DIP2C: variants seen among roughly 807,000 people sequenced by gnomAD.
The protein encoded by DIP2C is DIP2 acetate--CoA ligase C (putative), also known as disco-interacting protein 2 homolog C.
A neutral mutation model predicts 192.4 loss-of-function variants in DIP2C; 33 were observed. That is an observed-to-expected ratio of 0.17 (90% confidence interval 0.13 to 0.23). The LOEUF (loss-of-function observed/expected upper bound fraction) is 0.23. DIP2C is among the 10% of genes least tolerant of loss of function. DIP2C has a pLI of 1.00. For synonymous variants in DIP2C, 979 were observed against 864.1 expected (o/e 1.13, Z -2.33); for missense variants, 1,537 against 2,110.1 (o/e 0.73, Z 5.32).
intron 9 of DIP2C, among the ~76,000 whole-genome samples, chr10:407,698 T>C (rs4881255): frequency 0.57 from 87,100 of 152,008 alleles, 24,991 homozygotes; most frequent in East Asian, 0.7. Context: ...CATCTTTTCA[T>C]GTGTTTATCG....
At chr10:594,954 GGA>G (rs1372703361) in intron 1 of DIP2C, among the ~76,000 whole-genome samples, 2 of 152,192 alleles carry the variant, frequency 1.3e-5, no homozygotes, top group Non-Finnish European at 2.9e-5. Context: ...GCCAGAGAAG[GGA>G]GAGGAGACAG....
intron 2 of DIP2C, chr10:484,962 A>G: frequency 6.3e-7 from 1 of 1,595,538 alleles, no homozygotes; most frequent in Non-Finnish European, 8.5e-7. Flanking sequence ...TAACAAGTTG[A>G]AAAAAAACTA....
intron 2 of DIP2C, among the ~76,000 whole-genome samples, chr10:473,784 T>A (rs530541797): frequency 6.6e-6 from 1 of 152,358 alleles, no homozygotes; most frequent in South Asian, 2.1e-4. Context: ...AATAAAAGTT[T>A]TAAGTTAACA....
At chr10:545,330 G>C (rs1588432654) in intron 1 of DIP2C, among the ~76,000 whole-genome samples, 2 of 151,958 alleles carry the variant, frequency 1.3e-5, no homozygotes, top group East Asian at 3.9e-4. Flanking sequence ...CAACGCCCAG[G>C]TAATTTTTGT....
At chr10:382,139 T>C (rs1962425859) in intron 17 of DIP2C, among the ~76,000 whole-genome samples, 1 of 152,250 alleles carries the variant, frequency 6.6e-6, no homozygotes, top group Non-Finnish European at 1.5e-5. Context: ...CAAAGTGCAC[T>C]CTGAATTTAC....
At chr10:545,339 G>A (rs1293171785) in intron 1 of DIP2C, among the ~76,000 whole-genome samples, 1 of 151,906 alleles carries the variant, frequency 6.6e-6, no homozygotes, top group Admixed American at 6.6e-5. Context: ...GGTAATTTTT[G>A]TAGTTTTAGT....
chr10:580,098 T>TATAC (rs1850511435), intron 1 of DIP2C, among the ~76,000 whole-genome samples: 1 of 152,146 alleles, frequency 6.6e-6, no homozygotes, highest in Non-Finnish European at 1.5e-5. Context: ...CATGCACATT[T>TATAC]GTATGTACAT....
At chr10:593,874 G>A (rs1047800429) in intron 1 of DIP2C, among the ~76,000 whole-genome samples, 2 of 152,288 alleles carry the variant, frequency 1.3e-5, no homozygotes, top group East Asian at 3.9e-4. Flanking sequence ...AAGGGGACTC[G>A]AATGTCTTCT....
At chr10:578,489 C>T (rs1850326909) in intron 1 of DIP2C, among the ~76,000 whole-genome samples, 1 of 152,204 alleles carries the variant, frequency 6.6e-6, no homozygotes, top group African/African-American at 2.4e-5. Flanking sequence ...ATGAAACACA[C>T]CTCACAGAGC....
At chr10:471,587 A>G (rs1171638830) in intron 3 of DIP2C, among the ~76,000 whole-genome samples, 1 of 152,228 alleles carries the variant, frequency 6.6e-6, no homozygotes, top group Non-Finnish European at 1.5e-5. Context: ...TGCAAAACAA[A>G]GGGATTCACG....
chr10:400,900 G>A (rs964290259), intron 9 of DIP2C, among the ~76,000 whole-genome samples: 3 of 151,234 alleles, frequency 2.0e-5, no homozygotes, highest in African/African-American at 7.3e-5. Flanking sequence ...TTATGGACAA[G>A]TTTGGTACAT....
intron 26 of DIP2C, among the ~76,000 whole-genome samples, chr10:347,928 C>T (rs1205247801): frequency 9.2e-5 from 13 of 141,680 alleles, no homozygotes; most frequent in African/African-American, 2.6e-4. Context: ...CCCGGAAACC[C>T]CACACTCACC....
At chr10:336,895 G>GGTGTGTGTGTGTGT (rs112539860) in intron 29 of DIP2C, among the ~76,000 whole-genome samples, 3 of 91,724 alleles carry the variant, frequency 3.3e-5, no homozygotes, top group Non-Finnish European at 5.2e-5. Context: ...GGCCTAGGCA[G>GGTGTGTGTGTGTGT]GTGTGTGTGT....
intron 1 of DIP2C, among the ~76,000 whole-genome samples, chr10:516,152 T>C (rs139350444): frequency 6.7e-6 from 1 of 148,496 alleles, no homozygotes; most frequent in Non-Finnish European, 1.5e-5. Flanking sequence ...TGTTATGGGA[T>C]GAGGGTGGGC....
chr10:395,801 T>G (rs1963941522), intron 10 of DIP2C, among the ~76,000 whole-genome samples: 1 of 152,208 alleles, frequency 6.6e-6, no homozygotes, highest in South Asian at 2.1e-4. Flanking sequence ...CAGGGGATCT[T>G]TCCTGTCCCC....
intron 1 of DIP2C, among the ~76,000 whole-genome samples, chr10:539,102 C>T (rs180770112): frequency 5.7e-4 from 87 of 152,304 alleles, no homozygotes; most frequent in Admixed American, 1.5e-3. Flanking sequence ...TATATGACCT[C>T]AGTTGCGAGT....
chr10:335,596 A>G (rs1005106685), intron 29 of DIP2C, among the ~76,000 whole-genome samples: 2 of 152,234 alleles, frequency 1.3e-5, no homozygotes, highest in Non-Finnish European at 2.9e-5. Context: ...GCATTGTCCA[A>G]TCAGTCCCCT....
intron 1 of DIP2C, among the ~76,000 whole-genome samples, chr10:558,710 T>C (rs1849038538): frequency 6.6e-6 from 1 of 152,170 alleles, no homozygotes; most frequent in Non-Finnish European, 1.5e-5. Context: ...TGCTTATCTA[T>C]ACAGGCCGCC....
chr10:598,044 C>A (rs1851819007), intron 1 of DIP2C, among the ~76,000 whole-genome samples: 1 of 152,222 alleles, frequency 6.6e-6, no homozygotes, highest in Non-Finnish European at 1.5e-5. Flanking sequence ...GGAGGGCCTC[C>A]TCTAACCACC....
Sources: allele counts gnomAD v4.1 joint callset (sites outside exome capture counted in the v4.1 genomes callset), GRCh38; gene constraint gnomAD v4.1.1; transcripts MANE v1.5; gene names NCBI Gene and HGNC (gene_info 2026-07-23, HGNC 2026-07-21).